The following CDKL5 variants were observed in gnomAD, a reference collection of about 807,000 sequenced individuals.
CDKL5 encodes the protein cyclin dependent kinase like 5, also known as cyclin-dependent kinase-like 5.
A neutral mutation model predicts 61.7 loss-of-function variants in CDKL5; 8 were observed. The ratio of observed to expected loss-of-function variants is 0.13; its 90% CI spans 0.08 to 0.23. The LOEUF is 0.23. Among genes scored for constraint, CDKL5 ranks in the 10% least tolerant of loss-of-function variants. The pLI, the probability that CDKL5 is intolerant of heterozygous loss-of-function variation, is 1.00. For missense variants in CDKL5, 440 were observed against 734.5 expected (o/e 0.60, Z 4.63); for synonymous variants, 275 against 272.3 (o/e 1.01, Z -0.10).
chrX:18,621,541 G>A (rs765891672), intron 16 of CDKL5, among the ~76,000 whole-genome samples: 3 of 109,904 alleles, frequency 2.7e-5, no homozygotes, highest in Non-Finnish European at 5.7e-5. Flanking sequence ...AGAAGGTGGG[G>A]TTTTTTTTTG....
chrX:18,595,049 G>A (rs1194265063), intron 9 of CDKL5, among the ~76,000 whole-genome samples: 3 of 111,663 alleles, frequency 2.7e-5, no homozygotes, highest in Admixed American at 9.5e-5. Flanking sequence ...AGGCGTGGTG[G>A]CAGGTGCCTG....
chrX:18,596,791 A>C (rs1389028553), intron 10 of CDKL5, among the ~76,000 whole-genome samples: 1 of 112,199 alleles, frequency 8.9e-6, no homozygotes, highest in African/African-American at 3.2e-5. Flanking sequence ...GTTTTTGTTA[A>C]ATCATTACCA....
At position 18,570,229 on chromosome X, in the gene CDKL5, A is replaced by T. The variant is rs759846793; in HGVS notation, c.146-5125A>T. On this transcript the variant is annotated intron_variant, in intron 4 of 17. Transcript: ENST00000623535. ...AAAAGTCCAACCCTTGATTAAACAAATAATTTGATTAACTGAGCTTGAGCA... is the reference window on the plus strand; with the variant it reads ...AAAAGTCCAACCCTTGATTAAACAATTAATTTGATTAACTGAGCTTGAGCA... Among the ~76,000 whole-genome samples the T allele has an allele frequency of 4.5e-5, 5 of 111,910 alleles. No individual in the cohort carries two copies. In the Admixed American group the frequency reaches 4.7e-4, roughly 11 times the overall value.
chrX:18,473,570 T>C (rs983483652), intron 1 of CDKL5, among the ~76,000 whole-genome samples: 3 of 110,175 alleles, frequency 2.7e-5, no homozygotes, highest in African/African-American at 9.9e-5. Context: ...GGCCTCCCTG[T>C]CCTCCACTTT....
At chrX:18,651,252 TGTGTGTGTGTGTGA>T (rs1388074423) in intron 21 of CDKL5, among the ~76,000 whole-genome samples, 2 of 98,841 alleles carry the variant, frequency 2.0e-5, no homozygotes, top group African/African-American at 3.9e-5. Context: ...TGTGTGTGTG[TGTGTGTGTGTGTGA>T]GAGAGAGAGA....
chrX:18,604,874 G>C lies in CDKL5; in HGVS notation c.1944+6G>C. ...TGCAACTCTTGTCACCCCAGGTACA[G>C]TTGAGCACCTTGACTGAATCTGGTG... is the stretch of plus-strand genomic sequence containing the variant. On this transcript the variant is annotated splice_donor_region_variant and intron_variant, in intron 12 of 17. Transcript: ENST00000623535. The C allele has an allele frequency of 8.3e-7, 1 of 1,211,449 alleles. No individual in the cohort carries two copies.
chrX:18,452,826 T>G (rs1478829962), intron 1 of CDKL5, among the ~76,000 whole-genome samples: 1 of 74,116 alleles, frequency 1.3e-5, no homozygotes, highest in African/African-American at 5.1e-5. Context: ...CAAGTTTTTT[T>G]TTTTTTTTTT....
chrX:18,635,103 T>C lies in CDKL5; in HGVS notation c.*6346T>C, dbSNP rs1473623662. 1.3e-6 allele frequency: 1 copy of C among 746,576 alleles called. No homozygotes were observed. Among genetic ancestry groups the C allele is most frequent in the Non-Finnish European group, 1.6e-6 (1 of 635,054 alleles). 61.5% of individuals were successfully genotyped at this position (746,576 alleles called of 1,213,427 possible). On this transcript the variant is annotated 3_prime_UTR_variant, in exon 18 of 18. Coordinates refer to ENST00000623535, the MANE Select transcript of CDKL5 (RefSeq NM_001323289.2). Reference sequence around the variant, plus strand: ...ATCTTTTTAATTTTTGAATCCAAACTGAATTTAAAGTGTTGAATACTTAAA... The same window carrying C: ...ATCTTTTTAATTTTTGAATCCAAACCGAATTTAAAGTGTTGAATACTTAAA...
intron 1 of CDKL5, among the ~76,000 whole-genome samples, chrX:18,503,949 C>T (rs1279176233): frequency 1.8e-5 from 2 of 111,523 alleles, no homozygotes; most frequent in Non-Finnish European, 3.8e-5. Context: ...CACCACATTT[C>T]CTAGGCTGGT....
intron 17 of CDKL5, among the ~76,000 whole-genome samples, chrX:18,628,117 ATGAGCCTGGGCCTT>A (rs1217872728): frequency 1.8e-5 from 2 of 112,104 alleles, no homozygotes; most frequent in African/African-American, 6.5e-5. Context: ...AACCAGGTAG[ATGAGCCTGGGCCTT>A]TGATTGGCTG....
intron 1 of CDKL5, among the ~76,000 whole-genome samples, chrX:18,443,242 C>T (rs1430857188): frequency 8.9e-6 from 1 of 112,075 alleles, no homozygotes; most frequent in African/African-American, 3.2e-5. Flanking sequence ...AGTGTCTGTA[C>T]TTCACTTTTT....
chrX:18,456,988 C>T (rs1445757502), intron 1 of CDKL5, among the ~76,000 whole-genome samples: 1 of 110,402 alleles, frequency 9.1e-6, no homozygotes, highest in Non-Finnish European at 1.9e-5. Context: ...CGTTTCTTTG[C>T]ACTATAGTTA....
At chrX:18,430,868 CT>C (rs559417310) in intron 1 of CDKL5, among the ~76,000 whole-genome samples, 2 of 100,129 alleles carry the variant, frequency 2.0e-5, no homozygotes, top group African/African-American at 7.3e-5. Context: ...TTTTTTTTTT[CT>C]TTTTTTTTTG....
At chrX:18,487,973 A>T (rs1249380722) in intron 1 of CDKL5, among the ~76,000 whole-genome samples, 1 of 111,295 alleles carries the variant, frequency 9.0e-6, no homozygotes, top group Non-Finnish European at 1.9e-5. Context: ...TATTTGTTTG[A>T]GCTCTTGTTT....
At chrX:18,499,395 C>T (rs1248888790) in intron 1 of CDKL5, among the ~76,000 whole-genome samples, 1 of 98,810 alleles carries the variant, frequency 1.0e-5, no homozygotes, top group African/African-American at 3.7e-5. Flanking sequence ...GAGTCTCGCT[C>T]TGTCGCCGAG....
At chrX:18,502,146 CCTGT>C (rs952193824) in intron 1 of CDKL5, among the ~76,000 whole-genome samples, 5 of 111,191 alleles carry the variant, frequency 4.5e-5, no homozygotes, top group South Asian at 3.8e-4. Flanking sequence ...AGAAGCCCTC[CCTGT>C]CTATCATTCT....
chrX:18,442,577 T>C (rs989873474), intron 1 of CDKL5, among the ~76,000 whole-genome samples: 6 of 111,229 alleles, frequency 5.4e-5, no homozygotes, highest in Non-Finnish European at 1.1e-4. Flanking sequence ...CACTGCAAGC[T>C]CCGCCTCCCG....
intron 1 of CDKL5, among the ~76,000 whole-genome samples, chrX:18,484,816 G>A (rs1921728810): frequency 9.2e-6 from 1 of 108,299 alleles, no homozygotes; most frequent in African/African-American, 3.4e-5. Flanking sequence ...GGGTGGTGGG[G>A]GGCAGGATCT....
At chrX:18,642,251 A>G (rs1211962174), downstream of CDKL5, 1 of 981,101 alleles carries the variant, frequency 1.0e-6, no homozygotes, top group South Asian at 2.0e-5. Context: ...TTAACTATAG[A>G]AATGATTAGG....
Sources: allele counts gnomAD v4.1 joint callset (sites outside exome capture counted in the v4.1 genomes callset), GRCh38; gene constraint gnomAD v4.1.1; transcripts MANE v1.5; gene names NCBI Gene and HGNC (gene_info 2026-07-23, HGNC 2026-07-21).